The following NFYC variants were observed in gnomAD, a reference collection of about 807,000 sequenced individuals.
NFYC encodes CAAT box DNA-binding protein subunit C.
Under a neutral mutation model 53.1 loss-of-function variants are expected in NFYC, and 25 were observed. The observed-to-expected ratio is 0.47, with a 90% CI of 0.34 to 0.66. The LOEUF is 0.66. Ranked by LOEUF, NFYC falls within the 30% of genes least tolerant of loss-of-function variation. NFYC has a pLI of 0.01. For synonymous variants in NFYC, 145 were observed against 152.6 expected, an observed-to-expected ratio of 0.95 and a Z score of 0.37; for missense variants, 260 against 422.7, an observed-to-expected ratio of 0.62 and a Z score of 3.38.
chr1:40,738,184 G>A (rs939503288), intron 1 of NFYC, among the ~76,000 whole-genome samples: 4 of 152,148 alleles, frequency 2.6e-5, no homozygotes, highest in Admixed American at 6.5e-5. Context: ...TTACAGGCGT[G>A]AGCCACCGCG....
intron 1 of NFYC, among the ~76,000 whole-genome samples, chr1:40,712,183 T>G (rs150337160): frequency 1.3e-5 from 2 of 152,292 alleles, no homozygotes; most frequent in East Asian, 3.9e-4. Flanking sequence ...AAAAAGGAGT[T>G]AGTTTAAACC....
chr1:40,697,611 A>G (rs1042999535), intron 1 of NFYC, among the ~76,000 whole-genome samples: 1 of 152,268 alleles, frequency 6.6e-6, no homozygotes, highest in Non-Finnish European at 1.5e-5. Context: ...CATTCTGACC[A>G]GAAGGAGAGA....
chr1:40,766,647 T>G lies in NFYC; in HGVS notation c.772T>G (p.Ser258Ala). 2.5e-6 allele frequency: 4 copies of G among 1,614,124 alleles called. No homozygotes were observed. The South Asian group carries it at 4.4e-5, about 18-fold the overall frequency. ...LQYIRLAQPV[S>A]GTQVVQGQIQ... is the part of the protein sequence containing the mutation. Reference sequence around the variant, plus strand: ...GTATATCCGCTTAGCCCAGCCTGTATCAGGCACTCAAGTTGTGCAGGGACA... The same window carrying G: ...GTATATCCGCTTAGCCCAGCCTGTAGCAGGCACTCAAGTTGTGCAGGGACA... The change falls in exon 8 of 10, where the codon TCA becomes GCA. Residue 258 changes from serine to alanine, a missense_variant. By Grantham distance (99) the Ser-to-Ala change is moderately conservative. Coordinates refer to ENST00000447388, the MANE Select transcript of NFYC (RefSeq NM_014223.5).
chr1:40,712,260 T>G (rs535727925), intron 1 of NFYC: 4 of 152,222 alleles, frequency 2.6e-5, no homozygotes, highest in Non-Finnish European at 5.9e-5. Context: ...ACCCTATTTA[T>G]TTAATGCATA....
rs147898058 is a variant in NFYC at position 40,715,011 on chromosome 1, C to T, written c.-9+23144C>T. Among the ~76,000 whole-genome samples, 432 of 152,102 alleles carry T rather than the reference C, an allele frequency of 2.8e-3. 8 individuals carry two copies. In the East Asian group the frequency reaches 0.035, roughly 12 times the overall value. On this transcript the variant is annotated intron_variant, in intron 1 of 9. Transcript: ENST00000447388. ...AGGAGAATGGCATGAATCCGGGAGGCGGAGCTTGCAGTGAGCCGACATGGC... is the reference window on the plus strand; with the variant it reads ...AGGAGAATGGCATGAATCCGGGAGGTGGAGCTTGCAGTGAGCCGACATGGC...
rs1570687709 is a variant in NFYC, at chr1:40,758,103, T to C, written c.388-18T>C. The C allele has an allele frequency of 6.2e-7, 1 of 1,611,566 alleles. No individual in the cohort carries two copies. The highest frequency in any genetic ancestry group is 2.2e-5 in the East Asian group (1 of 44,872). On this transcript the variant is annotated intron_variant, in intron 5 of 9. Transcript: ENST00000447388. Reference sequence around the variant, plus strand: ...GTTGGTTCTTTTCCTCTTACCTGCCTCTCTTTCCACCCAACAGGAGGAGGT... The same window carrying C: ...GTTGGTTCTTTTCCTCTTACCTGCCCCTCTTTCCACCCAACAGGAGGAGGT...
intron 1 of NFYC, chr1:40,712,352 G>A (rs999179256): frequency 6.6e-6 from 1 of 152,132 alleles, no homozygotes; most frequent in African/African-American, 2.4e-5. Context: ...GGACCTCTCA[G>A]AATAGGATGA....
intron 1 of NFYC, among the ~76,000 whole-genome samples, chr1:40,733,008 G>GCCCCC (rs749788691): frequency 5.6e-5 from 3 of 53,344 alleles, no homozygotes; most frequent in African/African-American, 1.4e-4. Context: ...TCCAAGATTC[G>GCCCCC]CCCCCCCCCC....
chr1:40,750,812 T>C (rs1042231770), intron 4 of NFYC, among the ~76,000 whole-genome samples: 2 of 152,108 alleles, frequency 1.3e-5, no homozygotes, highest in Admixed American at 1.3e-4. Context: ...ATATGCAACA[T>C]CATTAGTCAT....
intron 1 of NFYC, among the ~76,000 whole-genome samples, chr1:40,700,383 C>T (rs1237224405): frequency 6.6e-6 from 1 of 151,738 alleles, no homozygotes; most frequent in Non-Finnish European, 1.5e-5. Context: ...ACTTTCTTGC[C>T]CACGCTGGAG....
intron 1 of NFYC, among the ~76,000 whole-genome samples, chr1:40,725,446 G>GACC (rs1392906708): frequency 6.6e-6 from 1 of 152,120 alleles, no homozygotes; most frequent in Non-Finnish European, 1.5e-5. Flanking sequence ...GACCAGTGCT[G>GACC]TTTTTCTTCT....
In NFYC at chr1:40,770,981, C is replaced by T. The variant is rs578055333; in HGVS notation, c.*153C>T. The T allele has an allele frequency of 7.6e-5, 54 of 712,236 alleles. No homozygotes were observed. The highest frequency in any genetic ancestry group is 1.1e-4 in the Non-Finnish European group (48 of 430,132). The allele number at this position is 712,236 out of a possible 1,614,324, so 44.1% of individuals were successfully genotyped here. On this transcript the variant is annotated 3_prime_UTR_variant, in exon 10 of 10. Transcript: ENST00000447388. This position sits in a 1 kb window ranked among gnomAD's most constrained non-coding sequence, Gnocchi z 5.3. ...TGCACTACACCCCATGCCTGGGGGC[C>T]GAGATTCTCCAGCAGAAAGATGCAA... is the stretch of plus-strand genomic sequence containing the variant.
intron 1 of NFYC, among the ~76,000 whole-genome samples, chr1:40,704,216 C>T (rs959112788): frequency 1.2e-4 from 19 of 152,032 alleles, no homozygotes; most frequent in Non-Finnish European, 2.5e-4. Flanking sequence ...GGACTACAGG[C>T]GCCCGCCACC....
intron 1 of NFYC, among the ~76,000 whole-genome samples, chr1:40,694,963 C>G (rs1643044316): frequency 6.6e-6 from 1 of 152,166 alleles, no homozygotes; most frequent in Admixed American, 6.5e-5. Flanking sequence ...TTGGTCAGAA[C>G]TACTAGAGAC....
intron 2 of NFYC, among the ~76,000 whole-genome samples, chr1:40,745,926 C>T (rs1271533417): frequency 6.6e-6 from 1 of 152,066 alleles, no homozygotes; most frequent in Admixed American, 6.5e-5. Flanking sequence ...CCAGACTGGT[C>T]TCAAACTCCT....
Position 40,753,236 on chromosome 1 carries a change from C to T in NFYC, c.377C>T (p.Pro126Leu). The change falls in exon 5 of 10, where the codon CCA (proline) becomes CTA (leucine). Residue 126 changes from proline (P) to leucine (L), a missense_variant. By Grantham distance (98) the Pro-to-Leu change is moderately conservative. Transcript: ENST00000447388. Reference protein sequence around the residue: ...DIVPRDELKPPKRQEEVRQSV... With the variant: ...DIVPRDELKPLKRQEEVRQSV... ...GTTCCAAGAGATGAACTGAAACCTC[C>T]AAAGCGTCAGGTGAGCTGTGAAGGG... 6.2e-7 allele frequency: 1 copy of T among 1,613,298 alleles called. No individual in the cohort carries two copies. Among genetic ancestry groups the T allele is most frequent in the East Asian group, 2.2e-5 (1 of 44,878 alleles).
At chr1:40,767,176 T>TGATGGCTATGAGTC in intron 8 of NFYC, 2 of 561,476 alleles carry the variant, frequency 3.6e-6, no homozygotes, top group Non-Finnish European at 6.5e-6. Flanking sequence ...CCTACAATAT[T>TGATGGCTATGAGTC]GATGGCTATG....
chr1:40,691,945 T>C (rs1377991578), intron 1 of NFYC, 78 bp downstream of exon 1: 1 of 329,882 alleles, frequency 3.0e-6, no homozygotes, highest in Non-Finnish European at 6.0e-6. Context: ...CTTCCCGCCT[T>C]CGCCAGAGAC....
intron 1 of NFYC, among the ~76,000 whole-genome samples, chr1:40,720,342 T>C (rs1015735988): frequency 6.6e-6 from 1 of 152,198 alleles, no homozygotes; most frequent in Admixed American, 6.5e-5. Context: ...CCCTGGTTTT[T>C]AGATGTATTA....
Sources: gnomAD v4.1 joint callset for allele counts (sites outside exome capture counted in the v4.1 genomes callset) on GRCh38, gnomAD v4.1.1 for gene constraint, Gnocchi (gnomAD v3.1) non-coding constraint, MANE v1.5 for transcripts, NCBI Gene and HGNC (gene_info 2026-07-23, HGNC 2026-07-21) for gene names.